NFATC1: variants seen among roughly 807,000 people sequenced by gnomAD.
The protein encoded by NFATC1 is nuclear factor of activated T cells 1.
Under a neutral mutation model 76.0 loss-of-function variants are expected in NFATC1, and 22 were observed. The ratio of observed to expected loss-of-function variants is 0.29; its 90% CI spans 0.21 to 0.41. NFATC1 has a LOEUF of 0.41. Among genes scored for constraint, NFATC1 ranks in the 10% least tolerant of loss-of-function variants. The pLI, the probability that NFATC1 is intolerant of heterozygous loss-of-function variation, is 1.00. For synonymous variants in NFATC1, 704 were observed against 613.1 expected (o/e 1.15, Z -2.19); for missense variants, 1,357 against 1,337.7 (o/e 1.01, Z -0.23).
rs775216056 is a variant in NFATC1, at chr18:79,465,210, C to T, written c.1960-2240C>T. On this transcript the variant is annotated intron_variant, in intron 7 of 9. Coordinates refer to ENST00000427363, the MANE Select transcript of NFATC1 (RefSeq NM_001278669.2). This position sits in a 1 kb window ranked among gnomAD's most constrained non-coding sequence, Gnocchi z 4.2. ...CGTGTTTCTTCTTTATCGCTTCCTTCTGTGTGTATTTAAGTGGCAGTGCTC... is the reference window on the plus strand; with the variant it reads ...CGTGTTTCTTCTTTATCGCTTCCTTTTGTGTGTATTTAAGTGGCAGTGCTC... 2.0e-5 allele frequency among the ~76,000 whole-genome samples: 3 copies of T among 152,168 alleles called. No individual in the cohort carries two copies. Among genetic ancestry groups the T allele is most frequent in the Non-Finnish European group, 4.4e-5 (3 of 68,032 alleles).
chr18:79,518,508 G>T (rs557954902), intron 9 of NFATC1, among the ~76,000 whole-genome samples: 1 of 152,124 alleles, frequency 6.6e-6, no homozygotes, highest in Non-Finnish European at 1.5e-5. Context: ...CCCCCCTCTC[G>T]CTCGTGAAAG....
At chr18:79,507,794 G>A (rs557263089) in intron 9 of NFATC1, among the ~76,000 whole-genome samples, 16 of 152,370 alleles carry the variant, frequency 1.1e-4, no homozygotes, top group East Asian at 7.7e-4. Flanking sequence ...GAGCGCATTC[G>A]CATCCGCAGT....
chr18:79,409,572 C>T (rs2085585426), intron 1 of NFATC1, among the ~76,000 whole-genome samples: 1 of 151,990 alleles, frequency 6.6e-6, no homozygotes, highest in Admixed American at 6.6e-5. Flanking sequence ...TCTCTTTATC[C>T]CTCATTCCTC....
In NFATC1 at chr18:79,486,266, A is replaced by G. The variant is rs758352262; in HGVS notation, c.2111A>G (p.Glu704Gly). ...CTCACAGTTCCAATTATAAAAACAG[A>G]ACCCACTGATGATTATGAGCCTGCT... is the stretch of plus-strand genomic sequence containing the variant. The part of the protein sequence containing the change: ...LPANVPIIKT[E>G]PTDDYEPAPT... The change falls in exon 9 of 10, where the codon GAA becomes GGA. Residue 704 changes from glutamate (E) to glycine (G), a missense_variant. By Grantham distance (98) the Glu-to-Gly change is moderately conservative (BLOSUM62 -2). Coordinates refer to ENST00000427363, the MANE Select transcript of NFATC1 (RefSeq NM_001278669.2). The G allele has an allele frequency of 6.2e-7, 1 of 1,606,314 alleles. No homozygotes were observed. Among genetic ancestry groups the G allele is most frequent in the Non-Finnish European group, 8.5e-7 (1 of 1,174,888 alleles).
In NFATC1 at chr18:79,406,385, G is replaced by A. The variant is rs116564688; in HGVS notation, c.128-4018G>A. On this transcript the variant is annotated intron_variant, in intron 1 of 9. Coordinates refer to ENST00000427363, the MANE Select transcript of NFATC1 (RefSeq NM_001278669.2). Reference sequence around the variant, plus strand: ...GCCTGAAGAGCCGGTTGAAGGCCACGGATGCCTCCGAGAGGAAGTCGGGGT... The same window carrying A: ...GCCTGAAGAGCCGGTTGAAGGCCACAGATGCCTCCGAGAGGAAGTCGGGGT... Among the ~76,000 whole-genome samples the A allele has an allele frequency of 8.7e-3, 1,324 of 152,288 alleles. 22 individuals are homozygous for A. The highest frequency in any genetic ancestry group is 0.03 in the African/African-American group (1,249 of 41,564).
At chr18:79,492,669 A>G (rs1600912330) in intron 9 of NFATC1, among the ~76,000 whole-genome samples, 1 of 151,086 alleles carries the variant, frequency 6.6e-6, no homozygotes, top group Non-Finnish European at 1.5e-5. Context: ...AGATCGCGCC[A>G]CTGCACTCCA....
chr18:79,504,586 A>G (rs560192817), intron 9 of NFATC1, among the ~76,000 whole-genome samples: 1 of 152,386 alleles, frequency 6.6e-6, no homozygotes, highest in South Asian at 2.1e-4. Flanking sequence ...CATGAGCATT[A>G]TTGAAACGTG....
Position 79,451,718 on chromosome 18 carries a change from G to A in NFATC1, c.1805G>A (p.Ser602Asn). The change falls in exon 6 of 10, where the codon AGC becomes AAC. Residue 602 changes from serine to asparagine, a missense_variant. Physicochemically the swap from Ser to Asn is conservative, Grantham distance 46. Transcript: ENST00000427363. ...AQELPLVEKQSTDSYPVVGGK... is the reference protein window; with the variant it reads ...AQELPLVEKQNTDSYPVVGGK... Reference sequence around the variant, plus strand: ...GAGCTGCCTCTGGTGGAGAAGCAGAGCACGGACAGCTATCCGGTCGTGGGC... The same window carrying A: ...GAGCTGCCTCTGGTGGAGAAGCAGAACACGGACAGCTATCCGGTCGTGGGC... The A allele has an allele frequency of 6.2e-7, 1 of 1,612,960 alleles. No homozygotes were observed. Among genetic ancestry groups the A allele is most frequent in the African/African-American group, 1.3e-5 (1 of 75,028 alleles).
At position 79,485,069 on chromosome 18, in the gene NFATC1, C is replaced by T. The variant is rs138531218; in HGVS notation, c.2093-1179C>T. On this transcript the variant is annotated intron_variant, in intron 8 of 9. Transcript: ENST00000427363. ...GCTTTTGTTTACTGCAGGAGGCTGC[C>T]AGGCTCTCTGTGGTGGCGACTGTTT... Among the ~76,000 whole-genome samples the T allele has an allele frequency of 9.4e-3, 1,438 of 152,344 alleles. 26 individuals carry two copies. Among genetic ancestry groups the T allele is most frequent in the African/African-American group, 0.03 (1,229 of 41,578 alleles).
intron 7 of NFATC1, among the ~76,000 whole-genome samples, chr18:79,462,025 G>C (rs2088130329): frequency 6.6e-6 from 1 of 152,230 alleles, no homozygotes; most frequent in South Asian, 2.1e-4. Context: ...CTGTCACCGG[G>C]CCGTTTCCAA....
Position 79,449,133 on chromosome 18 carries a change from AC to A in NFATC1, c.1589+150del, listed in dbSNP as rs2087349575. 1.1e-5 allele frequency: 8 copies of A among 710,966 alleles called. No individual in the cohort carries two copies. In the South Asian group the frequency reaches 1.3e-4, roughly 12 times the overall value. 44.0% of individuals were successfully genotyped at this position (710,966 alleles called of 1,614,324 possible). On this transcript the variant is annotated intron_variant, in intron 4 of 9. Coordinates refer to ENST00000427363, the MANE Select transcript of NFATC1 (RefSeq NM_001278669.2). The stretch of plus-strand genomic sequence containing the variant: ...GTTTAACAGCCAATAAGTAAACTTC[AC>A]TCTTGCTTTTGACAATGGATTTGCT...
chr18:79,453,893 T>A (rs2087579941), intron 6 of NFATC1, among the ~76,000 whole-genome samples: 1 of 152,266 alleles, frequency 6.6e-6, no homozygotes, highest in Non-Finnish European at 1.5e-5. Flanking sequence ...CACTTCCGGC[T>A]TCTCAGGCGG....
At chr18:79,442,558 C>G (rs1481552861) in intron 3 of NFATC1, among the ~76,000 whole-genome samples, 3 of 152,252 alleles carry the variant, frequency 2.0e-5, no homozygotes, top group Non-Finnish European at 4.4e-5. Context: ...CACCTTGGAG[C>G]CGGGGTCCGG....
At chr18:79,430,076 G>A (rs1325363210) in intron 2 of NFATC1, among the ~76,000 whole-genome samples, 2 of 152,234 alleles carry the variant, frequency 1.3e-5, no homozygotes, top group African/African-American at 2.4e-5. Flanking sequence ...TGGACACACC[G>A]AGTCGGTTCA....
intron 2 of NFATC1, chr18:79,422,307 G>A (rs1051975232): frequency 2.6e-5 from 4 of 152,270 alleles, no homozygotes; most frequent in Non-Finnish European, 5.9e-5. Flanking sequence ...AAGTGCAGTC[G>A]GAGGCCCCCC....
At chr18:79,415,150 C>A (rs2085833856) in intron 2 of NFATC1, among the ~76,000 whole-genome samples, 1 of 152,204 alleles carries the variant, frequency 6.6e-6, no homozygotes, top group South Asian at 2.1e-4. Flanking sequence ...GTCTCACTCT[C>A]CGCACCCAGA....
At position 79,528,054 on chromosome 18, in the gene NFATC1, T is replaced by A; in HGVS notation, c.*477T>A. On this transcript the variant is annotated 3_prime_UTR_variant, in exon 10 of 10. Transcript: ENST00000427363. The stretch of plus-strand genomic sequence containing the variant: ...TGTGAGGTTTTACCCTCTGTATGAA[T>A]GAAGAGAACGCTGGAAGGCTGCGAG... The A allele has an allele frequency of 2.5e-6, 1 of 405,280 alleles. No individual in the cohort carries two copies. The allele number at this position is 405,280 out of a possible 1,614,324, so 25.1% of individuals were successfully genotyped here. A position where few individuals can be genotyped will look rare whatever the true frequency, so the allele number is the denominator to read the frequency against.
chr18:79,450,452 A>T (rs1417422396), intron 4 of NFATC1, among the ~76,000 whole-genome samples: 1 of 148,674 alleles, frequency 6.7e-6, no homozygotes, highest in African/African-American at 2.4e-5. Context: ...CTAATAATAT[A>T]TAATATATAA....
At chr18:79,400,715 G>A (rs1458159783) in intron 1 of NFATC1, among the ~76,000 whole-genome samples, 1 of 150,326 alleles carries the variant, frequency 6.7e-6, no homozygotes, top group African/African-American at 2.4e-5. Flanking sequence ...CACGGGCGTG[G>A]ACGAAGTGGT....
Sources: allele counts gnomAD v4.1 joint callset (sites outside exome capture counted in the v4.1 genomes callset), GRCh38; gene constraint gnomAD v4.1.1; non-coding constraint Gnocchi (gnomAD v3.1); transcripts MANE v1.5; gene names NCBI Gene and HGNC (gene_info 2026-07-23, HGNC 2026-07-21).